Variants in TANGO6 observed in about 807,000 individuals in gnomAD.
TANGO6 encodes the protein transport and golgi organization 6 homolog, also known as transport and Golgi organization protein 6 homolog.
Under a neutral mutation model 114.2 loss-of-function variants are expected in TANGO6, and 90 were observed. That is an observed-to-expected ratio of 0.79 (90% CI 0.66 to 0.94). TANGO6 has a LOEUF of 0.94. Among genes scored for constraint, TANGO6 ranks in the 40% least tolerant of loss-of-function variants. TANGO6 has a pLI of 0.00. For synonymous variants in TANGO6, 477 were observed against 509.8 expected (o/e 0.94, Z 0.87); for missense variants, 1,274 against 1,315.3 (o/e 0.97, Z 0.49).
intron 17 of TANGO6, among the ~76,000 whole-genome samples, chr16:69,083,095 CT>C (rs1201400628): frequency 0.15 from 17,481 of 120,200 alleles, 1,796 homozygotes; most frequent in African/African-American, 0.32. Flanking sequence ...GCATTATCTT[CT>C]TTTTTTTTTT....
At chr16:68,973,798 C>T in intron 14 of TANGO6, 1 of 550,324 alleles carries the variant, frequency 1.8e-6, no homozygotes, top group Non-Finnish European at 3.3e-6. Context: ...CTGGGAGTGA[C>T]CTTAGAGATC....
intron 1 of TANGO6, among the ~76,000 whole-genome samples, chr16:68,855,954 T>C (rs964230366): frequency 6.6e-6 from 1 of 152,210 alleles, no homozygotes; most frequent in African/African-American, 2.4e-5. Context: ...CTTTTTTTGT[T>C]TTTTAATTTT....
intron 17 of TANGO6, among the ~76,000 whole-genome samples, chr16:69,046,224 A>G (rs1021429935): frequency 3.9e-5 from 6 of 152,198 alleles, no homozygotes; most frequent in Non-Finnish European, 5.9e-5. Context: ...TACTCAATAT[A>G]TGAAAAACCA....
intron 17 of TANGO6, among the ~76,000 whole-genome samples, chr16:69,059,168 G>A (rs1368331695): frequency 6.6e-6 from 1 of 151,064 alleles, no homozygotes; most frequent in East Asian, 2.0e-4. Flanking sequence ...TCTGCCTCCC[G>A]GGTTCAAGCA....
chr16:68,948,512 A>G (rs935027002), intron 14 of TANGO6, among the ~76,000 whole-genome samples: 2 of 152,164 alleles, frequency 1.3e-5, no homozygotes, highest in Non-Finnish European at 2.9e-5. Flanking sequence ...CATTTTTGCC[A>G]CAGGGAAAAA....
intron 7 of TANGO6, among the ~76,000 whole-genome samples, chr16:68,892,658 G>A (rs2152177034): frequency 6.6e-6 from 1 of 152,090 alleles, no homozygotes; most frequent in Non-Finnish European, 1.5e-5. Flanking sequence ...GGGATTATAG[G>A]CACCCACCAC....
intron 15 of TANGO6, among the ~76,000 whole-genome samples, chr16:68,995,164 C>T (rs1394245231): frequency 2.6e-5 from 4 of 152,096 alleles, no homozygotes; most frequent in Non-Finnish European, 2.9e-5. Context: ...TAAATCATTC[C>T]TACTTGTGTG....
At chr16:69,012,247 T>A (rs1964148689) in intron 15 of TANGO6, among the ~76,000 whole-genome samples, 1 of 152,180 alleles carries the variant, frequency 6.6e-6, no homozygotes, top group South Asian at 2.1e-4. Flanking sequence ...TGTTCATTTC[T>A]CTGAAGCTTT....
At chr16:68,892,589 A>G (rs1442317979) in intron 7 of TANGO6, among the ~76,000 whole-genome samples, 1 of 148,274 alleles carries the variant, frequency 6.7e-6, no homozygotes, top group African/African-American at 2.5e-5. Context: ...ATCTCGGCTC[A>G]CTGCAACCTC....
chr16:69,073,212 A>G (rs16958605), intron 17 of TANGO6, among the ~76,000 whole-genome samples: 13,494 of 152,104 alleles, frequency 0.089, 673 homozygotes, highest in South Asian at 0.19. Flanking sequence ...TCTTTTTGTG[A>G]TGGCCTGGGA....
chr16:68,937,782 T>C (rs1004181137), intron 14 of TANGO6: 1 of 152,250 alleles, frequency 6.6e-6, no homozygotes, highest in African/African-American at 2.4e-5. Flanking sequence ...ATCCAGCTCA[T>C]TAATTGGTGG....
At chr16:68,892,988 A>G (rs1962647739) in intron 7 of TANGO6, among the ~76,000 whole-genome samples, 2 of 152,146 alleles carry the variant, frequency 1.3e-5, no homozygotes, top group African/African-American at 4.8e-5. Context: ...TAACCAGAAA[A>G]CCTTTCAACT....
At chr16:69,044,957 C>T (rs908423638) in intron 17 of TANGO6, among the ~76,000 whole-genome samples, 1 of 151,742 alleles carries the variant, frequency 6.6e-6, no homozygotes, top group African/African-American at 2.4e-5. Flanking sequence ...GTCAGGAGTT[C>T]GAGACCAGCC....
At chr16:68,887,793 C>T (rs1001674222) in intron 7 of TANGO6, among the ~76,000 whole-genome samples, 1 of 151,990 alleles carries the variant, frequency 6.6e-6, no homozygotes, top group Non-Finnish European at 1.5e-5. Context: ...GCAGGAGAAT[C>T]GCTTGAACCC....
intron 4 of TANGO6, among the ~76,000 whole-genome samples, chr16:68,870,999 C>T (rs1159388460): frequency 6.6e-6 from 1 of 151,392 alleles, no homozygotes; most frequent in African/African-American, 2.4e-5. Context: ...CTGCGTTGGC[C>T]AGGCTGGTCT....
At chr16:68,963,946 T>C (rs1002757536) in intron 14 of TANGO6, among the ~76,000 whole-genome samples, 1 of 152,166 alleles carries the variant, frequency 6.6e-6, no homozygotes. Flanking sequence ...CTTGTCACTT[T>C]AGTGAGATTT....
At chr16:69,003,742 G>A (rs1964065950) in intron 15 of TANGO6, among the ~76,000 whole-genome samples, 1 of 151,860 alleles carries the variant, frequency 6.6e-6, no homozygotes, top group Non-Finnish European at 1.5e-5. Flanking sequence ...CCTATGACAT[G>A]CTTGGACCTT....
intron 14 of TANGO6, 166 bp from the exon 15 acceptor site, chr16:68,973,862 C>T (rs777771226): frequency 1.6e-5 from 11 of 707,246 alleles, no homozygotes; most frequent in Admixed American, 2.7e-5. Context: ...GGCCCATCTT[C>T]GTTCCACTCA....
chr16:68,874,255 A>G (rs548094616), intron 4 of TANGO6, among the ~76,000 whole-genome samples: 3 of 152,158 alleles, frequency 2.0e-5, no homozygotes, highest in East Asian at 1.9e-4. Flanking sequence ...ACTCTGAACT[A>G]TGTTTCTTCC....
Sources: gnomAD v4.1 joint callset for allele counts (sites outside exome capture counted in the v4.1 genomes callset) on GRCh38, gnomAD v4.1.1 for gene constraint, MANE v1.5 for transcripts, NCBI Gene and HGNC (gene_info 2026-07-23, HGNC 2026-07-21) for gene names.